Variants in CPVL observed in about 807,000 individuals in gnomAD.
CPVL encodes probable serine carboxypeptidase CPVL.
A neutral mutation model predicts 63.7 loss-of-function variants in CPVL; 51 were observed. The ratio of observed to expected loss-of-function variants is 0.80; its 90% CI spans 0.64 to 1.01. The LOEUF is 1.01. CPVL is among the 50% of genes least tolerant of loss of function. The pLI, the probability that CPVL is intolerant of heterozygous loss-of-function variation, is 0.00. For synonymous variants in CPVL, 195 were observed against 206.0 expected (o/e 0.95, Z 0.46); for missense variants, 530 against 573.1 (o/e 0.92, Z 0.77).
intron 3 of CPVL, among the ~76,000 whole-genome samples, chr7:29,098,811 C>G (rs368882648): frequency 3.9e-5 from 6 of 152,238 alleles, no homozygotes; most frequent in African/African-American, 1.4e-4. Context: ...GCCTGTAATC[C>G]CAGCACTTTG....
chr7:28,996,549 C>CAAAAAAAAAAA (rs549584191), intron 12 of CPVL, among the ~76,000 whole-genome samples: 1 of 113,566 alleles, frequency 8.8e-6, no homozygotes, highest in Non-Finnish European at 2.0e-5. Flanking sequence ...AACCAAAAAA[C>CAAAAAAAAAAA]AAAAAAAAAA....
intron 1 of CPVL, chr7:29,146,005 T>C (rs1447429942): frequency 6.6e-6 from 1 of 152,156 alleles, no homozygotes; most frequent in East Asian, 1.9e-4. Flanking sequence ...CTCTTGCTTC[T>C]GAGCACCCAC....
intron 4 of CPVL, among the ~76,000 whole-genome samples, chr7:29,183,773 T>C (rs776845224): frequency 2.0e-5 from 3 of 152,182 alleles, no homozygotes; most frequent in African/African-American, 7.2e-5. Flanking sequence ...ATATGATATA[T>C]GTAGATTAGA....
intron 12 of CPVL, among the ~76,000 whole-genome samples, chr7:29,025,950 T>C (rs1787449927): frequency 6.6e-6 from 1 of 152,184 alleles, no homozygotes; most frequent in African/African-American, 2.4e-5. Context: ...AGATTTAAAC[T>C]GCACTTTAGA....
At chr7:29,127,724 CA>C (rs1790183499) in intron 1 of CPVL, 1 of 152,228 alleles carries the variant, frequency 6.6e-6, no homozygotes, top group South Asian at 2.1e-4. Flanking sequence ...ATAAGACCCT[CA>C]TTCCAGAGGG....
chr7:29,146,543 C>G, upstream of CPVL: 1 of 1,517,740 alleles, frequency 6.6e-7, no homozygotes, highest in East Asian at 2.5e-5. Context: ...GTCACGAGGA[C>G]CCTGCAGAAC....
intron 5 of CPVL, among the ~76,000 whole-genome samples, chr7:29,179,875 A>C (rs1404494076): frequency 1.3e-5 from 2 of 152,230 alleles, no homozygotes; most frequent in Non-Finnish European, 2.9e-5. Context: ...AAGCAAATCA[A>C]CTTAAGTATT....
Position 29,040,460 on chromosome 7 carries a change from T to C in CPVL, c.1138-9701A>G, listed in dbSNP as rs150117335. Reference sequence around the variant, plus strand: ...CCTCAGCTGTCCATCACTCTCACTGTTGGCCATACTTCTTCCTGGTAATTG... The same window carrying C: ...CCTCAGCTGTCCATCACTCTCACTGCTGGCCATACTTCTTCCTGGTAATTG... On this transcript the variant is annotated intron_variant, in intron 11 of 12. Transcript: ENST00000265394. Among the ~76,000 whole-genome samples the C allele has an allele frequency of 8.0e-3, 1,222 of 152,322 alleles. 5 individuals carry two copies. Among genetic ancestry groups the C allele is most frequent in the Non-Finnish European group, 0.011 (727 of 68,034 alleles).
At chr7:29,009,655 A>T (rs1785598064) in intron 12 of CPVL, 1 of 152,204 alleles carries the variant, frequency 6.6e-6, no homozygotes, top group African/African-American at 2.4e-5. Flanking sequence ...ATACAGAATA[A>T]TTTCTTTTCT....
chr7:29,127,900 G>C (rs1395708597), intron 1 of CPVL: 1 of 151,996 alleles, frequency 6.6e-6, no homozygotes, highest in Non-Finnish European at 1.5e-5. Flanking sequence ...GTTTTCCCTG[G>C]GTCCTTGGGG....
At chr7:29,150,159 G>C (rs1486261939), upstream of CPVL, among the ~76,000 whole-genome samples, 1 of 152,150 alleles carries the variant, frequency 6.6e-6, no homozygotes, top group African/African-American at 2.4e-5. Context: ...GTTTGGGTTT[G>C]TTAAGCCCTA....
chr7:29,175,427 C>T (rs894321884), intron 5 of CPVL, among the ~76,000 whole-genome samples: 35 of 152,168 alleles, frequency 2.3e-4, no homozygotes, highest in African/African-American at 7.5e-4. Flanking sequence ...CTGCCCGCCT[C>T]GGCCTCCCAA....
chr7:29,038,537 C>T (rs190529343), intron 11 of CPVL, among the ~76,000 whole-genome samples: 2 of 152,278 alleles, frequency 1.3e-5, no homozygotes, highest in African/African-American at 4.8e-5. Flanking sequence ...TTTAAATATT[C>T]GGAGATCTGA....
chr7:29,065,060 A>T (rs1783016830), intron 10 of CPVL, among the ~76,000 whole-genome samples: 1 of 152,154 alleles, frequency 6.6e-6, no homozygotes, highest in African/African-American at 2.4e-5. Flanking sequence ...GCTTATTAAA[A>T]AAAAAACTGC....
chr7:29,067,038 T>C (rs945646476), intron 9 of CPVL, among the ~76,000 whole-genome samples: 3 of 151,976 alleles, frequency 2.0e-5, no homozygotes, highest in Non-Finnish European at 2.9e-5. Context: ...GATCAATGGA[T>C]TGAAAGGTAG....
chr7:29,005,373 T>G (rs1785088991), intron 12 of CPVL, among the ~76,000 whole-genome samples: 1 of 152,158 alleles, frequency 6.6e-6, no homozygotes, highest in Non-Finnish European at 1.5e-5. Context: ...ATTACTGTAC[T>G]TTTTCAGAAA....
At chr7:29,025,214 G>C (rs1479466549) in intron 12 of CPVL, among the ~76,000 whole-genome samples, 1 of 152,204 alleles carries the variant, frequency 6.6e-6, no homozygotes, top group African/African-American at 2.4e-5. Flanking sequence ...CTGAGGCTGG[G>C]TAATTTATAA....
At chr7:29,155,602 C>G (rs544953381) in intron 5 of CPVL, among the ~76,000 whole-genome samples, 9 of 152,310 alleles carry the variant, frequency 5.9e-5, no homozygotes, top group African/African-American at 1.9e-4. Flanking sequence ...TGCCATTTTT[C>G]TCACCTCTTT....
chr7:29,060,634 C>A (rs184068500), intron 11 of CPVL, among the ~76,000 whole-genome samples: 8 of 152,152 alleles, frequency 5.3e-5, no homozygotes, highest in Non-Finnish European at 1.2e-4. Flanking sequence ...TATGTTTTCA[C>A]GTAGCTTACA....
Sources: gnomAD v4.1 joint callset for allele counts (sites outside exome capture counted in the v4.1 genomes callset) on GRCh38, gnomAD v4.1.1 for gene constraint, MANE v1.5 for transcripts, NCBI Gene and HGNC (gene_info 2026-07-23, HGNC 2026-07-21) for gene names.